CXorf38: variants seen among roughly 807,000 people sequenced by gnomAD.
CXorf38 encodes chromosome X open reading frame 38.
A neutral mutation model predicts 27.5 loss-of-function variants in CXorf38; 13 were observed. That is an observed-to-expected ratio of 0.47 (90% confidence interval 0.31 to 0.75). The LOEUF (loss-of-function observed/expected upper bound fraction) is 0.75. CXorf38 is among the 30% of genes least tolerant of loss of function. The probability of loss-of-function intolerance (pLI) is 0.05; values close to 1 mark genes in which losing one functional copy is unlikely to be tolerated. For missense variants in CXorf38, 240 were observed against 253.2 expected, an observed-to-expected ratio of 0.95 and a Z score of 0.35; for synonymous variants, 100 against 99.8, an observed-to-expected ratio of 1.00 and a Z score of -0.01.
chrX:40,631,221 ATG>A (rs1927769141), intron 5 of CXorf38, among the ~76,000 whole-genome samples: 2 of 38,094 alleles, frequency 5.3e-5, no homozygotes, highest in Non-Finnish European at 1.4e-4. Context: ...ATATATATAC[ATG>A]TGTATATATA....
intron 3 of CXorf38, among the ~76,000 whole-genome samples, chrX:40,637,395 T>G (rs752457092): frequency 9.0e-6 from 1 of 111,549 alleles, no homozygotes; most frequent in Non-Finnish European, 1.9e-5. Context: ...ACATTTAGTT[T>G]CATCCTGTCT....
chrX:40,636,738 G>C (rs1341293887), intron 4 of CXorf38, 26 bp from the exon 5 acceptor site: 2 of 1,143,943 alleles, frequency 1.7e-6, no homozygotes, highest in Non-Finnish European at 1.2e-6. Flanking sequence ...ACAAATATAT[G>C]AACTGATTTC....
In CXorf38 at chrX:40,636,988, T is replaced by A; in HGVS notation, c.621+19A>T. 1 of 1,157,904 alleles carries A rather than the reference T, an allele frequency of 8.6e-7. No individual in the cohort carries two copies. The highest frequency in any genetic ancestry group is 1.2e-6 in the Non-Finnish European group (1 of 862,355). On this transcript the variant is annotated intron_variant, in intron 4 of 6. Coordinates refer to ENST00000327877, the MANE Select transcript of CXorf38 (RefSeq NM_144970.3). ...CTCTCTTCATTCTGTATGCCAGAAC[T>A]ATTAAACATGATTTTTACCTGTTCT...
chrX:40,641,516 T>C (rs776395417), intron 2 of CXorf38, among the ~76,000 whole-genome samples: 6 of 111,536 alleles, frequency 5.4e-5, no homozygotes, highest in Non-Finnish European at 1.1e-4. Flanking sequence ...GCCTCCCAAG[T>C]ACCTGTGAGG....
intron 5 of CXorf38, among the ~76,000 whole-genome samples, chrX:40,631,254 T>TACACACACACAC (rs56725827): frequency 1.0e-4 from 9 of 88,947 alleles, no homozygotes; most frequent in African/African-American, 3.8e-4. Flanking sequence ...TATATATATA[T>TACACACACACAC]ACACACACAC....
chrX:40,645,339 G>A (rs1928524254), intron 2 of CXorf38, among the ~76,000 whole-genome samples: 1 of 111,319 alleles, frequency 9.0e-6, no homozygotes, highest in African/African-American at 3.3e-5. Context: ...TGGACTAGAA[G>A]GTCTGTAGGT....
In CXorf38 at chrX:40,629,177, G is replaced by A. The variant is rs901598340; in HGVS notation, c.*987C>T. On this transcript the variant is annotated 3_prime_UTR_variant, in exon 7 of 7. Transcript: ENST00000327877. ...ATAAAGGTGTGTGCCACCATGCCCA[G>A]GTAATTTTTAAATTTTTTTGTAGAG... is the stretch of plus-strand genomic sequence containing the variant. 1 of 110,261 alleles carries A rather than the reference G, an allele frequency of 9.1e-6. No homozygotes were observed. The highest frequency in any genetic ancestry group is 1.9e-5 in the Non-Finnish European group (1 of 52,812). 9.1% of individuals were successfully genotyped at this position (110,261 alleles called of 1,213,427 possible). A position where few individuals can be genotyped will look rare whatever the true frequency, so the allele number is the denominator to read the frequency against.
At position 40,636,540 on chromosome X, in the gene CXorf38, G is replaced by A; in HGVS notation, c.794C>T (p.Pro265Leu). ...ATAACACTTTTCTTTTACCTCTTCA[G>A]GCAACACCTCTTGTTCTTCTGCTTG... The part of the protein sequence containing the change: ...YLQAEEQEVL[P>L]EELSNRLEVV... Residue 265 changes from proline (P) to leucine (L), a missense_variant, in exon 5 of 7, where the codon CCT becomes CTT. Transcript: ENST00000327877. 1 of 1,198,105 alleles carries A rather than the reference G, an allele frequency of 8.3e-7. No homozygotes were observed. The highest frequency in any genetic ancestry group is 1.1e-6 in the Non-Finnish European group (1 of 885,524).
chrX:40,628,334 G>A lies in CXorf38; in HGVS notation c.*1830C>T, dbSNP rs933058316. 1.2e-4 allele frequency: 13 copies of A among 111,859 alleles called. No homozygotes were observed. Among genetic ancestry groups the A allele is most frequent in the African/African-American group, 2.9e-4 (9 of 30,757 alleles). 9.2% of individuals were successfully genotyped at this position (111,859 alleles called of 1,213,427 possible). The stretch of plus-strand genomic sequence containing the variant: ...TCTACAGATGACATCCTTGGTGGGC[G>A]GCTGGATAGGCACACATCTTCACTG... On this transcript the variant is annotated 3_prime_UTR_variant, in exon 7 of 7. Coordinates refer to ENST00000327877, the MANE Select transcript of CXorf38 (RefSeq NM_144970.3).
rs1340445673 is a variant in CXorf38 at position 40,627,209 on chromosome X, G to C, written c.*2955C>G. On this transcript the variant is annotated 3_prime_UTR_variant, in exon 7 of 7. Transcript: ENST00000327877. ...TTTGGGGGGGGGGGGTTGTTTTTTAGAGACGGAGTCTCCCTCTGTCACCCA... is the reference window on the plus strand; with the variant it reads ...TTTGGGGGGGGGGGGTTGTTTTTTACAGACGGAGTCTCCCTCTGTCACCCA... The C allele has an allele frequency of 9.9e-6, 1 of 100,743 alleles. No homozygotes were observed. Among genetic ancestry groups the C allele is most frequent in the Non-Finnish European group, 2.0e-5 (1 of 49,993 alleles). 8.3% of individuals were successfully genotyped at this position (100,743 alleles called of 1,213,427 possible). A position where few individuals can be genotyped will look rare whatever the true frequency, so the allele number is the denominator to read the frequency against.
chrX:40,642,624 C>T (rs1928376594), intron 2 of CXorf38, among the ~76,000 whole-genome samples: 1 of 111,368 alleles, frequency 9.0e-6, no homozygotes, highest in African/African-American at 3.3e-5. Flanking sequence ...GGGCAGAAGC[C>T]GAGGCGGAGT....
Position 40,647,143 on chromosome X carries a change from T to A in CXorf38, c.217-2A>T, listed in dbSNP as rs1334707262. 2 of 1,209,423 alleles carry A rather than the reference T, an allele frequency of 1.7e-6. No individual in the cohort carries two copies. Among genetic ancestry groups the A allele is most frequent in the African/African-American group, 3.5e-5 (2 of 57,292 alleles). On this transcript the variant is annotated splice_acceptor_variant, in intron 1 of 6. Coordinates refer to ENST00000327877, the MANE Select transcript of CXorf38 (RefSeq NM_144970.3). LOFTEE classifies it high-confidence loss of function. ...GCACACCTGACACTGAGGCTGAAAC[T>A]ACAGGGGGCGGCGGTGAGGAGGGGC...
chrX:40,646,815 C>G (rs1367000173), intron 2 of CXorf38, among the ~76,000 whole-genome samples, 192 bp downstream of exon 2: 2 of 111,535 alleles, frequency 1.8e-5, no homozygotes, highest in African/African-American at 6.5e-5. Flanking sequence ...AGGAAGCAGA[C>G]GGGTAGAAGA....
rs1928669354 is a variant in CXorf38 at position 40,647,542 on chromosome X, G to C, written c.-22C>G. The stretch of plus-strand genomic sequence containing the variant: ...CCATGTCTCCCACTTGGAACCAGGA[G>C]GTTGCGGGGCGTGGCGGACGGCAGT... On this transcript the variant is annotated 5_prime_UTR_variant, in exon 1 of 7. Transcript: ENST00000327877. 8.5e-7 allele frequency: 1 copy of C among 1,173,603 alleles called. No homozygotes were observed. The highest frequency in any genetic ancestry group is 1.8e-5 in the African/African-American group (1 of 54,132).
In CXorf38 at chrX:40,638,997, G is replaced by A. The variant is rs757007808; in HGVS notation, c.471+12C>T. 16 of 1,207,842 alleles carry A rather than the reference G, an allele frequency of 1.3e-5. No homozygotes were observed. Among genetic ancestry groups the A allele is most frequent in the Non-Finnish European group, 1.7e-5 (15 of 893,960 alleles). The stretch of plus-strand genomic sequence containing the variant: ...TGACTCAGGGTATGCTTTTGAATCT[G>A]ACAGCTCTTACCTCTGTGACTTTCT... On this transcript the variant is annotated intron_variant, in intron 3 of 6. Coordinates refer to ENST00000327877, the MANE Select transcript of CXorf38 (RefSeq NM_144970.3).
At chrX:40,631,703 C>G (rs1927819584) in intron 5 of CXorf38, among the ~76,000 whole-genome samples, 1 of 112,193 alleles carries the variant, frequency 8.9e-6, no homozygotes, top group African/African-American at 3.2e-5. Flanking sequence ...CCTAAGAGAG[C>G]AGTAGTTCTT....
At chrX:40,638,986 C>G (rs753599413) in intron 3 of CXorf38, 23 bp downstream of exon 3, 2 of 1,207,702 alleles carry the variant, frequency 1.7e-6, no homozygotes, top group South Asian at 3.6e-5. Context: ...TCAGGGTATG[C>G]TTTTGAATCT....
intron 1 of CXorf38, 47 bp from the exon 2 acceptor site, chrX:40,647,188 C>A: frequency 8.5e-7 from 1 of 1,171,303 alleles, no homozygotes; most frequent in East Asian, 3.2e-5. Flanking sequence ...AGGGACGTCG[C>A]GGTGGGCCCC....
intron 2 of CXorf38, among the ~76,000 whole-genome samples, chrX:40,643,520 T>C (rs934945304): frequency 9.0e-6 from 1 of 110,822 alleles, no homozygotes; most frequent in African/African-American, 3.3e-5. Flanking sequence ...CTTTTCTTTT[T>C]TTTTTGAGAT....
Sources: gnomAD v4.1 joint callset for allele counts (sites outside exome capture counted in the v4.1 genomes callset) on GRCh38, gnomAD v4.1.1 for gene constraint, MANE v1.5 for transcripts, NCBI Gene and HGNC (gene_info 2026-07-23, HGNC 2026-07-21) for gene names.